The following UGGT2 variants were observed in gnomAD, a reference collection of about 807,000 sequenced individuals.
UGGT2 encodes UDP-glucose:glycoprotein glucosyltransferase 2.
A neutral mutation model predicts 192.1 loss-of-function variants in UGGT2; 180 were observed. The ratio of observed to expected loss-of-function variants is 0.94; its 90% CI spans 0.83 to 1.06. The LOEUF (loss-of-function observed/expected upper bound fraction) is 1.06. Among genes scored for constraint, UGGT2 ranks in the 50% least tolerant of loss-of-function variants. The probability of loss-of-function intolerance (pLI) is 0.00; values close to 1 mark genes in which losing one functional copy is unlikely to be tolerated. For missense variants in UGGT2, 1,849 were observed against 1,795.7 expected (o/e 1.03, Z -0.54); for synonymous variants, 580 against 591.0 (o/e 0.98, Z 0.27).
intron 1 of UGGT2, among the ~76,000 whole-genome samples, chr13:96,040,209 A>G (rs1312906354): frequency 6.6e-6 from 1 of 152,218 alleles, no homozygotes; most frequent in Non-Finnish European, 1.5e-5. Context: ...GGTGACTTAA[A>G]ACAGAAACTT....
intron 38 of UGGT2, among the ~76,000 whole-genome samples, chr13:95,831,921 C>G (rs1337285989): frequency 6.6e-6 from 1 of 151,464 alleles, no homozygotes; most frequent in East Asian, 1.9e-4. Flanking sequence ...TATCATACCA[C>G]TTACAGAATA....
At chr13:95,976,320 T>G (rs2050937236) in intron 10 of UGGT2, among the ~76,000 whole-genome samples, 1 of 152,190 alleles carries the variant, frequency 6.6e-6, no homozygotes, top group South Asian at 2.1e-4. Flanking sequence ...CACCCATCCA[T>G]TAATGGACAC....
rs2139073075 is a variant in UGGT2, at chr13:96,013,492, A to G, written c.486-11T>C. On this transcript the variant is annotated splice_polypyrimidine_tract_variant and intron_variant, in intron 4 of 38. Coordinates refer to ENST00000376747, the MANE Select transcript of UGGT2 (RefSeq NM_020121.4). ...AGATAAGGTCTAGTCCTAAGATAAAAGCAAAACACAAAGTTTTGAAAAAAC... is the reference window on the plus strand; with the variant it reads ...AGATAAGGTCTAGTCCTAAGATAAAGGCAAAACACAAAGTTTTGAAAAAAC... 2.0e-6 allele frequency: 3 copies of G among 1,493,874 alleles called. No individual in the cohort carries two copies. Among genetic ancestry groups the G allele is most frequent in the East Asian group, 2.4e-5 (1 of 40,852 alleles). 92.5% of individuals were successfully genotyped at this position (1,493,874 alleles called of 1,614,324 possible).
chr13:95,935,048 C>A (rs538888485), intron 17 of UGGT2, among the ~76,000 whole-genome samples: 1 of 151,504 alleles, frequency 6.6e-6, no homozygotes, highest in South Asian at 2.1e-4. Context: ...AATAGCAACT[C>A]CTGGTTTTGT....
chr13:95,908,068 C>A (rs1176700444), intron 20 of UGGT2, among the ~76,000 whole-genome samples: 1 of 152,224 alleles, frequency 6.6e-6, no homozygotes, highest in Non-Finnish European at 1.5e-5. Flanking sequence ...CGTGATGGAG[C>A]TGAAAACCAT....
At chr13:95,902,681 C>T (rs1204128323) in intron 21 of UGGT2, among the ~76,000 whole-genome samples, 173 bp downstream of exon 21, 4 of 151,586 alleles carry the variant, frequency 2.6e-5, no homozygotes, top group African/African-American at 9.8e-5. Context: ...TACTAAATGC[C>T]TCTGTGCAGA....
chr13:95,917,349 G>A lies in UGGT2; in HGVS notation c.2295+8331C>T, dbSNP rs145697905. Among the ~76,000 whole-genome samples the A allele has an allele frequency of 9.5e-3, 1,452 of 152,264 alleles. 32 individuals carry two copies. Among genetic ancestry groups the A allele is most frequent in the African/African-American group, 0.032 (1,310 of 41,552 alleles). ...GCCAAACTAAGCTTCATAAGTGAAG[G>A]AGAAACAAATGCTGAGGGAATTCAT... On this transcript the variant is annotated intron_variant, in intron 20 of 38. Coordinates refer to ENST00000376747, the MANE Select transcript of UGGT2 (RefSeq NM_020121.4).
chr13:95,840,467 G>C (rs1887748075), intron 36 of UGGT2, among the ~76,000 whole-genome samples: 1 of 152,194 alleles, frequency 6.6e-6, no homozygotes, highest in African/African-American at 2.4e-5. Context: ...GATTATTAGA[G>C]AAATGCAAAT....
chr13:95,979,509 T>G (rs1340676007), intron 10 of UGGT2, among the ~76,000 whole-genome samples: 3 of 122,774 alleles, frequency 2.4e-5, no homozygotes, highest in African/African-American at 9.2e-5. Flanking sequence ...AAAACTAGAA[T>G]AGGTAAATAT....
chr13:95,909,108 T>C (rs1594295383), intron 20 of UGGT2, among the ~76,000 whole-genome samples: 1 of 152,150 alleles, frequency 6.6e-6, no homozygotes, highest in Non-Finnish European at 1.5e-5. Flanking sequence ...TTAATCCACC[T>C]TGAATTGATT....
At chr13:95,875,589 TG>T (rs1891605560) in intron 29 of UGGT2, among the ~76,000 whole-genome samples, 1 of 152,212 alleles carries the variant, frequency 6.6e-6, no homozygotes, top group Admixed American at 6.5e-5. Context: ...GAGTTTTAGA[TG>T]GGAGATGTGC....
intron 12 of UGGT2, among the ~76,000 whole-genome samples, chr13:95,959,365 G>C (rs2050315137): frequency 6.6e-6 from 1 of 152,142 alleles, no homozygotes; most frequent in African/African-American, 2.4e-5. Context: ...CAGCAGCACA[G>C]CTGCTGCTGC....
intron 38 of UGGT2, among the ~76,000 whole-genome samples, chr13:95,807,728 T>TTTTTTTTTTTTTTTTTC (rs1453091166): frequency 6.8e-6 from 1 of 147,356 alleles, no homozygotes; most frequent in African/African-American, 2.5e-5. Flanking sequence ...TTTTTTTTTT[T>TTTTTTTTTTTTTTTTTC]TTTTTTTGCC....
At chr13:95,928,378 GA>G (rs1268993866) in intron 17 of UGGT2, among the ~76,000 whole-genome samples, 32 of 100,696 alleles carry the variant, frequency 3.2e-4, no homozygotes, top group East Asian at 2.8e-3. Context: ...GCCGGGCGGA[GA>G]CGCTCCTCAC....
chr13:95,840,728 T>C (rs1887773599), intron 36 of UGGT2, among the ~76,000 whole-genome samples: 1 of 152,134 alleles, frequency 6.6e-6, no homozygotes. Flanking sequence ...GATAAATCAT[T>C]CTACTATAAA....
At chr13:95,924,392 GCTTTTTT>G (rs2048947647) in intron 20 of UGGT2, among the ~76,000 whole-genome samples, 1 of 43,454 alleles carries the variant, frequency 2.3e-5, no homozygotes, top group African/African-American at 7.1e-5. Context: ...ATCCCAAACA[GCTTTTTT>G]TTTTTTTTTT....
chr13:95,811,098 T>A (rs1157659230), intron 38 of UGGT2, among the ~76,000 whole-genome samples: 1 of 152,102 alleles, frequency 6.6e-6, no homozygotes, highest in Non-Finnish European at 1.5e-5. Flanking sequence ...CAAAAAGACA[T>A]AATAAGTATT....
intron 38 of UGGT2, among the ~76,000 whole-genome samples, chr13:95,826,984 C>T (rs952671384): frequency 1.3e-5 from 2 of 152,000 alleles, no homozygotes; most frequent in Non-Finnish European, 2.9e-5. Flanking sequence ...GTACTTGGCA[C>T]ATGTATAGAC....
At chr13:95,831,547 C>T (rs1357993958) in intron 38 of UGGT2, among the ~76,000 whole-genome samples, 4 of 151,996 alleles carry the variant, frequency 2.6e-5, no homozygotes, top group African/African-American at 4.8e-5. Flanking sequence ...ATTTCTATTT[C>T]ATTGTTAAAA....
Sources: gnomAD v4.1 joint callset for allele counts (sites outside exome capture counted in the v4.1 genomes callset) on GRCh38, gnomAD v4.1.1 for gene constraint, MANE v1.5 for transcripts, NCBI Gene and HGNC (gene_info 2026-07-23, HGNC 2026-07-21) for gene names.